COL8A2: variants seen among roughly 807,000 people sequenced by gnomAD.
The protein encoded by COL8A2 is collagen alpha-2(VIII) chain.
A neutral mutation model predicts 24.0 loss-of-function variants in COL8A2; 16 were observed. The ratio of observed to expected loss-of-function variants is 0.67; its 90% CI spans 0.45 to 1.01. The LOEUF (loss-of-function observed/expected upper bound fraction) is 1.01. Among genes scored for constraint, COL8A2 ranks in the 50% least tolerant of loss-of-function variants. The pLI is 0.00. For missense variants in COL8A2, 818 were observed against 942.4 expected, an observed-to-expected ratio of 0.87 and a Z score of 1.73; for synonymous variants, 466 against 424.5, an observed-to-expected ratio of 1.10 and a Z score of -1.20.
chr1:36,098,528 C>A lies in COL8A2; in HGVS notation c.1153G>T (p.Gly385Ter). Residue 385 changes from glycine to a stop codon, truncating the protein, a stop_gained, in exon 4 of 4, where the codon GGA becomes TGA. Transcript: ENST00000397799. LOFTEE classifies it high-confidence loss of function. Reference sequence around the variant, plus strand: ...CGAATGCCAGGCACTCCTGGGGGTCCTCCAGGCCCTGCCTCACCCTTAGGC... The same window carrying A: ...CGAATGCCAGGCACTCCTGGGGGTCATCCAGGCCCTGCCTCACCCTTAGGC... ...PGPKGEAGPG[G>*]PPGVPGIRGD... The A allele has an allele frequency of 6.3e-7, 1 of 1,596,084 alleles. No homozygotes were observed. The highest frequency in any genetic ancestry group is 8.5e-7 in the Non-Finnish European group (1 of 1,172,290).
At position 36,098,343 on chromosome 1, in the gene COL8A2, C is replaced by G; in HGVS notation, c.1338G>C (p.Gln446His). 1.3e-6 allele frequency: 2 copies of G among 1,550,964 alleles called. No homozygotes were observed. Among genetic ancestry groups the G allele is most frequent in the Non-Finnish European group, 1.7e-6 (2 of 1,147,854 alleles). The change falls in exon 4 of 4, where the codon CAG (glutamine) becomes CAC (histidine). Residue 446 changes from glutamine (Q) to histidine (H), a missense_variant. Around this residue, in one of 3 missense-constraint regions of COL8A2, gnomAD observed 573 missense variants for 616.8 expected, o/e 0.93. Transcript: ENST00000397799. ...GCCCAGGGAGCCCCAAGTCACCTTT[C>G]TGCCCCAGGGCTCCTGCCACCCCTG... ...GGPGVAGALG[Q>H]KGDLGLPGQP...
chr1:36,110,664 G>A (rs1339113382), intron 2 of COL8A2, among the ~76,000 whole-genome samples: 1 of 152,040 alleles, frequency 6.6e-6, no homozygotes, highest in African/African-American at 2.4e-5. Context: ...GCTATTTTTT[G>A]TATGTTTAGT....
chr1:36,115,402 A>G lies in COL8A2; in HGVS notation c.-17+306T>C, dbSNP rs1356902457. ...GGCAGCAGGAGGGGCTGGGCTGGGC[A>G]GGGAGGGGGCCTGGCGGGAGCACAG... On this transcript the variant is annotated intron_variant, in intron 2 of 3. Coordinates refer to ENST00000397799, the MANE Select transcript of COL8A2 (RefSeq NM_005202.4). This position sits in a 1 kb window ranked among gnomAD's most constrained non-coding sequence, Gnocchi z 5.7. Among the ~76,000 whole-genome samples the G allele has an allele frequency of 2.0e-5, 3 of 150,836 alleles. No homozygotes were observed. The highest frequency in any genetic ancestry group is 7.3e-5 in the African/African-American group (3 of 41,170).
At position 36,099,147 on chromosome 1, in the gene COL8A2, T is replaced by C. The variant is rs766724525; in HGVS notation, c.534A>G (p.Gln178=). The change falls in exon 4 of 4, where the codon CAA becomes CAG. Residue 178 remains glutamine, a synonymous_variant. Transcript: ENST00000397799. The stretch of plus-strand genomic sequence containing the variant: ...GGAATCCTGGGGGCCCTGGCACCCC[T>C]TGGGCACCTGGTTTTCCAGGGATAG... ...GITIPGKPGA[Q]GVPGPPGFQG... 14 of 1,502,344 alleles carry C rather than the reference T, an allele frequency of 9.3e-6. No homozygotes were observed. The African/African-American group carries it at 1.8e-4, about 20-fold the overall frequency. The allele number at this position is 1,502,344 out of a possible 1,614,324, so 93.1% of individuals were successfully genotyped here.
chr1:36,106,676 A>G (rs1557742656), intron 2 of COL8A2, among the ~76,000 whole-genome samples: 1 of 150,790 alleles, frequency 6.6e-6, no homozygotes, highest in Non-Finnish European at 1.5e-5. Flanking sequence ...GAGGGTGCTC[A>G]GGGCAAAAAG....
intron 2 of COL8A2, among the ~76,000 whole-genome samples, chr1:36,106,623 G>A (rs544128473): frequency 6.6e-6 from 1 of 152,326 alleles, no homozygotes; most frequent in Non-Finnish European, 1.5e-5. Flanking sequence ...ATCCAGAACA[G>A]CCCTGGCTTC....
In COL8A2 at chr1:36,099,222, GC is replaced by G. The variant is rs1643634368; in HGVS notation, c.458del (p.Gly153AlafsTer84). On this transcript the variant is annotated frameshift_variant, in exon 4 of 4. Transcript: ENST00000397799. LOFTEE classifies it low-confidence loss of function (END_TRUNC). ...CAGGGGGTCCTGGGGGTCCCCGGAG[GC>G]CCTGGTCCCCTCGTATTCCTGGCTC... ...RGEPGIRGDQ[G>X]LRGPPGPPGL... The G allele has an allele frequency of 6.5e-7, 1 of 1,542,254 alleles. No individual in the cohort carries two copies. Among genetic ancestry groups the G allele is most frequent in the African/African-American group, 1.4e-5 (1 of 72,458 alleles).
In COL8A2 at chr1:36,098,057, C is replaced by T. The variant is rs773405905; in HGVS notation, c.1624G>A (p.Ala542Thr). The change falls in exon 4 of 4, where the codon GCA becomes ACA. Residue 542 changes from alanine (A) to threonine (T), a missense_variant. Transcript: ENST00000397799. ...APGAFDETGI[A>T]GLHLPNGGVE... ...CCGCCGTTGGGCAGGTGCAAGCCTG[C>T]GATGCCAGTCTCATCGAAGGCCCCA... The T allele has an allele frequency of 1.3e-5, 20 of 1,579,778 alleles. No homozygotes were observed. The highest frequency in any genetic ancestry group is 2.3e-5 in the South Asian group (2 of 88,746).
chr1:36,125,177 G>A lies in COL8A2; in HGVS notation c.-182C>T. 9.0e-6 allele frequency: 4 copies of A among 442,426 alleles called. No homozygotes were observed. Among genetic ancestry groups the A allele is most frequent in the Non-Finnish European group, 1.2e-5 (4 of 335,508 alleles). 27.4% of individuals were successfully genotyped at this position (442,426 alleles called of 1,614,324 possible). On this transcript the variant is annotated 5_prime_UTR_variant, in exon 1 of 4. Coordinates refer to ENST00000397799, the MANE Select transcript of COL8A2 (RefSeq NM_005202.4). The surrounding 1 kb of genome is among the most constrained non-coding windows in gnomAD (Gnocchi z 4.5). ...GTTGGGGTCCGGGGTCCGCGCCGGC[G>A]GGGTTCCGCGTCGCTCTGCCGGCCG...
chr1:36,111,292 C>T (rs1557744832), intron 2 of COL8A2, among the ~76,000 whole-genome samples: 1 of 152,170 alleles, frequency 6.6e-6, no homozygotes, highest in Non-Finnish European at 1.5e-5. Flanking sequence ...ACTCACTCCC[C>T]CTCCACCCTC....
intron 1 of COL8A2, among the ~76,000 whole-genome samples, chr1:36,124,398 C>T (rs542692988): frequency 2.6e-5 from 4 of 152,244 alleles, no homozygotes; most frequent in Admixed American, 2.6e-4. Flanking sequence ...TGTTCTGGGG[C>T]CCTGGGACCC....
At chr1:36,107,821 T>C (rs1643782189) in intron 2 of COL8A2, among the ~76,000 whole-genome samples, 1 of 151,978 alleles carries the variant, frequency 6.6e-6, no homozygotes, top group Non-Finnish European at 1.5e-5. Flanking sequence ...CTCCCCTGCT[T>C]CCTGCACACA....
At chr1:36,117,760 C>T (rs1430100336) in intron 1 of COL8A2, among the ~76,000 whole-genome samples, 1 of 151,768 alleles carries the variant, frequency 6.6e-6, no homozygotes, top group Non-Finnish European at 1.5e-5. Context: ...CACAGTGGCT[C>T]ACACCTGTAA....
intron 2 of COL8A2, among the ~76,000 whole-genome samples, chr1:36,107,102 C>A (rs1006362297): frequency 6.6e-6 from 1 of 152,196 alleles, no homozygotes; most frequent in Non-Finnish European, 1.5e-5. Flanking sequence ...TCCAGAGAGG[C>A]CCGTTAAGAA....
In COL8A2 at chr1:36,099,281, C is replaced by T. The variant is rs994721435; in HGVS notation, c.400G>A (p.Val134Ile). 5 of 1,558,142 alleles carry T rather than the reference C, an allele frequency of 3.2e-6. No individual in the cohort carries two copies. The highest frequency in any genetic ancestry group is 4.8e-5 in the East Asian group (2 of 42,092). Residue 134 changes from valine (V) to isoleucine (I), a missense_variant, in exon 4 of 4, where the codon GTC (valine) becomes ATC (isoleucine). Around this residue, in one of 3 missense-constraint regions of COL8A2, gnomAD observed 573 missense variants for 616.8 expected, o/e 0.93. Transcript: ENST00000397799. ...KAGPPGLPGK[V>I]GPPGQPGLRG... Reference sequence around the variant, plus strand: ...AGCCCCGGCTGCCCTGGTGGCCCGACCTTGCCAGGGAGCCCTGGGGGACCA... The same window carrying T: ...AGCCCCGGCTGCCCTGGTGGCCCGATCTTGCCAGGGAGCCCTGGGGGACCA...
intron 2 of COL8A2, among the ~76,000 whole-genome samples, chr1:36,112,022 T>G (rs1033139067): frequency 6.6e-6 from 1 of 152,104 alleles, no homozygotes; most frequent in African/African-American, 2.4e-5. Context: ...TTTATTTTTT[T>G]AGACGGAGTC....
chr1:36,100,081 C>T lies in COL8A2; in HGVS notation c.162G>A (p.Pro54=), dbSNP rs367777971. 1.7e-5 allele frequency: 28 copies of T among 1,611,730 alleles called. No homozygotes were observed. The African/African-American group carries it at 2.7e-4, about 15-fold the overall frequency. ...IQPMQKGPVG[P]PFREGKGQYL... ...ACTGGCCTTTGCCCTCACGGAAGGG[C>T]GGTCCCACAGGTCCTTTCTGCATGG... Residue 54 remains proline (P), a synonymous_variant, in exon 3 of 4, where the codon CCG becomes CCA. Coordinates refer to ENST00000397799, the MANE Select transcript of COL8A2 (RefSeq NM_005202.4).
chr1:36,096,255 G>A lies in COL8A2; in HGVS notation c.*1314C>T, dbSNP rs999469458. On this transcript the variant is annotated 3_prime_UTR_variant, in exon 4 of 4. Coordinates refer to ENST00000397799, the MANE Select transcript of COL8A2 (RefSeq NM_005202.4). Reference sequence around the variant, plus strand: ...CATCTCAGCCTTATCCACTCCGCTTGACGTAGGGACTGAGGGGTTGGGAGG... The same window carrying A: ...CATCTCAGCCTTATCCACTCCGCTTAACGTAGGGACTGAGGGGTTGGGAGG... 2.0e-5 allele frequency: 3 copies of A among 152,296 alleles called. No homozygotes were observed. The highest frequency in any genetic ancestry group is 7.2e-5 in the African/African-American group (3 of 41,470). 9.4% of individuals were successfully genotyped at this position (152,296 alleles called of 1,614,324 possible). A position where few individuals can be genotyped will look rare whatever the true frequency, so the allele number is the denominator to read the frequency against.
Position 36,098,793 on chromosome 1 carries a change from C to T in COL8A2, c.888G>A (p.Gly296=). Residue 296 remains glycine (G), a synonymous_variant, in exon 4 of 4, where the codon GGG becomes GGA. Transcript: ENST00000397799. ...CCCGGGTCCCTGGCTCCCCTTTGGC[C>T]CCTGATGGGCCCTGTGGTCCTGGCA... The part of the protein sequence containing the change: ...AGLPGPQGPS[G]AKGEPGTRGP... 1.2e-6 allele frequency: 2 copies of T among 1,612,118 alleles called. No individual in the cohort carries two copies. The highest frequency in any genetic ancestry group is 1.7e-5 in the Admixed American group (1 of 59,994).
Sources: allele counts gnomAD v4.1 joint callset (sites outside exome capture counted in the v4.1 genomes callset), GRCh38; gene constraint gnomAD v4.1.1; regional missense constraint gnomAD v4.1.1; non-coding constraint Gnocchi (gnomAD v3.1); transcripts MANE v1.5; gene names NCBI Gene and HGNC (gene_info 2026-07-23, HGNC 2026-07-21).